The following CRY1 variants were observed in gnomAD, a reference collection of about 807,000 sequenced individuals.
CRY1 encodes cryptochrome-1.
CRY1 carries 45 observed loss-of-function variants against 76.0 expected under a neutral mutation model. The ratio of observed to expected loss-of-function variants is 0.59; its 90% confidence interval spans 0.47 to 0.76. The LOEUF (loss-of-function observed/expected upper bound fraction) is 0.76, where lower values mean the gene tolerates loss of function less well. Ranked by LOEUF, CRY1 falls within the 30% of genes least tolerant of loss-of-function variation. The probability of loss-of-function intolerance (pLI) is 0.00; values close to 1 mark genes in which losing one functional copy is unlikely to be tolerated. For synonymous variants in CRY1, 248 were observed against 244.0 expected (o/e 1.02, Z -0.15); for missense variants, 587 against 716.4 (o/e 0.82, Z 2.06).
chr12:107,000,054 C>A lies in CRY1; in HGVS notation c.713G>T (p.Arg238Leu), dbSNP rs1008951536. 1.2e-6 allele frequency: 2 copies of A among 1,603,948 alleles called. No individual in the cohort carries two copies. Among genetic ancestry groups the A allele is most frequent in the African/African-American group, 1.3e-5 (1 of 74,488 alleles). The change falls in exon 6 of 13, where the codon CGA (arginine) becomes CTA (leucine). Residue 238 changes from arginine to leucine, a missense_variant. Physicochemically the swap from Arg to Leu is moderately radical, Grantham distance 102 (BLOSUM62 -2). Coordinates refer to ENST00000008527, the MANE Select transcript of CRY1 (RefSeq NM_004075.5). The stretch of plus-strand genomic sequence containing the variant: ...TGCAAGCAGAGAATTCGCATTCATT[C>A]GAGGTCTTTCAAAATTTGCCACCCA... ...KAWVANFERP[R>L]MNANSLLASP...
chr12:107,091,266 G>A (rs571679326), intron 1 of CRY1, among the ~76,000 whole-genome samples: 37 of 152,126 alleles, frequency 2.4e-4, no homozygotes, highest in African/African-American at 8.4e-4. Flanking sequence ...GGCTGGTCTC[G>A]AACTCCTGGC....
rs534256852 is a variant in CRY1, at chr12:107,086,431, A to G, written c.158+6373T>C. On this transcript the variant is annotated intron_variant, in intron 1 of 12. Coordinates refer to ENST00000008527, the MANE Select transcript of CRY1 (RefSeq NM_004075.5). Reference sequence around the variant, plus strand: ...AGAGCCAGTTGTTAACAGTCAAGACAATGGGGAAAAGCCCCCAAGACATTC... The same window carrying G: ...AGAGCCAGTTGTTAACAGTCAAGACGATGGGGAAAAGCCCCCAAGACATTC... Among the ~76,000 whole-genome samples the G allele has an allele frequency of 6.4e-4, 97 of 152,346 alleles. 1 individual carries two copies. Among genetic ancestry groups the G allele is most frequent in the African/African-American group, 2.2e-3 (93 of 41,582 alleles).
chr12:107,013,277 A>C (rs1324236968), intron 2 of CRY1, among the ~76,000 whole-genome samples: 10 of 152,244 alleles, frequency 6.6e-5, no homozygotes, highest in Admixed American at 6.5e-4. Context: ...TACCCTGATG[A>C]GCCAGTAGCC....
intron 1 of CRY1, among the ~76,000 whole-genome samples, chr12:107,070,639 T>C (rs1243727715): frequency 6.6e-6 from 1 of 151,764 alleles, no homozygotes; most frequent in Non-Finnish European, 1.5e-5. Flanking sequence ...AAAAATTGTA[T>C]CTAGCCACAT....
At chr12:106,995,438 C>T (rs987507609) in intron 10 of CRY1, among the ~76,000 whole-genome samples, 4 of 152,102 alleles carry the variant, frequency 2.6e-5, no homozygotes, top group Non-Finnish European at 4.4e-5. Flanking sequence ...TCAAATGCTA[C>T]CCTGTTTTTA....
chr12:107,059,309 T>G (rs1488064725), intron 1 of CRY1, among the ~76,000 whole-genome samples: 2 of 152,152 alleles, frequency 1.3e-5, no homozygotes, highest in Admixed American at 6.5e-5. Context: ...TGGAGTGCAG[T>G]AGCATGATCA....
intron 1 of CRY1, among the ~76,000 whole-genome samples, chr12:107,052,725 A>AT (rs1952937680): frequency 6.6e-6 from 1 of 152,254 alleles, no homozygotes. Context: ...GGAACAGCAG[A>AT]TGTACAACAC....
chr12:107,038,176 A>T (rs1952758493), intron 1 of CRY1, among the ~76,000 whole-genome samples: 1 of 152,236 alleles, frequency 6.6e-6, no homozygotes, highest in Admixed American at 6.5e-5. Flanking sequence ...AAGAGTGGGG[A>T]TCTGAATAGA....
intron 1 of CRY1, chr12:107,043,174 C>T (rs556217862): frequency 1.3e-5 from 2 of 152,358 alleles, no homozygotes; most frequent in African/African-American, 4.8e-5. Context: ...GCCAAGCTTC[C>T]TTTCCTGTGG....
chr12:107,088,893 C>T (rs2136904544), intron 1 of CRY1, among the ~76,000 whole-genome samples: 1 of 152,272 alleles, frequency 6.6e-6, no homozygotes, highest in South Asian at 2.1e-4. Context: ...TTAGCTATCA[C>T]CTCCCAACTC....
chr12:107,065,860 T>G (rs1242810334), intron 1 of CRY1, among the ~76,000 whole-genome samples: 1 of 152,140 alleles, frequency 6.6e-6, no homozygotes. Context: ...CATCTTCAAT[T>G]TATCTCTGCC....
At chr12:107,009,359 T>C (rs1328337881) in intron 2 of CRY1, among the ~76,000 whole-genome samples, 2 of 151,328 alleles carry the variant, frequency 1.3e-5, no homozygotes, top group Non-Finnish European at 2.9e-5. Context: ...GGCAACATGG[T>C]GAAACCCCGT....
intron 1 of CRY1, among the ~76,000 whole-genome samples, chr12:107,046,102 G>A (rs1294039330): frequency 3.3e-5 from 5 of 149,850 alleles, no homozygotes; most frequent in Non-Finnish European, 5.9e-5. Context: ...ACTCCAGCCT[G>A]GCGACAGAGC....
At chr12:107,015,739 A>T (rs970839902) in intron 2 of CRY1, among the ~76,000 whole-genome samples, 2 of 152,114 alleles carry the variant, frequency 1.3e-5, no homozygotes, top group African/African-American at 4.8e-5. Context: ...GCTGGAGTAG[A>T]GTGGCATGAT....
At chr12:106,994,819 T>C (rs775581877) in intron 10 of CRY1, among the ~76,000 whole-genome samples, 17 of 152,182 alleles carry the variant, frequency 1.1e-4, no homozygotes, top group Non-Finnish European at 2.5e-4. Context: ...CCCTCACTCA[T>C]GTGTGGGCTG....
intron 1 of CRY1, among the ~76,000 whole-genome samples, chr12:107,037,404 C>T (rs956502544): frequency 2.0e-5 from 3 of 151,944 alleles, no homozygotes; most frequent in Non-Finnish European, 2.9e-5. Context: ...TGGTGGTGCG[C>T]GCCTATAATC....
intron 2 of CRY1, among the ~76,000 whole-genome samples, chr12:107,009,520 C>A (rs1341791998): frequency 6.9e-6 from 1 of 144,740 alleles, no homozygotes; most frequent in African/African-American, 2.5e-5. Flanking sequence ...GCCTGGGCGA[C>A]AGAGCAAGAC....
intron 2 of CRY1, among the ~76,000 whole-genome samples, chr12:107,012,703 T>A (rs1220133994): frequency 1.3e-5 from 2 of 152,142 alleles, no homozygotes; most frequent in African/African-American, 4.8e-5. Flanking sequence ...AAATTGAAAA[T>A]CTTTGGAAAG....
intron 1 of CRY1, among the ~76,000 whole-genome samples, chr12:107,038,996 T>C (rs943300096): frequency 1.8e-4 from 27 of 152,198 alleles, no homozygotes; most frequent in African/African-American, 6.0e-4. Flanking sequence ...TGGTGGTGCA[T>C]GCCTGTAATC....
Sources: allele counts gnomAD v4.1 joint callset (sites outside exome capture counted in the v4.1 genomes callset), GRCh38; gene constraint gnomAD v4.1.1; transcripts MANE v1.5; gene names NCBI Gene and HGNC (gene_info 2026-07-23, HGNC 2026-07-21).